The following SPSB1 variants were observed in gnomAD, a reference collection of about 807,000 sequenced individuals.
SPSB1 encodes SPRY domain-containing SOCS box protein 1.
Under a neutral mutation model 21.2 loss-of-function variants are expected in SPSB1, and 8 were observed. The observed-to-expected ratio is 0.38, with a 90% CI of 0.22 to 0.68. The LOEUF (loss-of-function observed/expected upper bound fraction) is 0.68, where lower values mean the gene tolerates loss of function less well. Among genes scored for constraint, SPSB1 ranks in the 30% least tolerant of loss-of-function variants. The pLI, the probability that SPSB1 is intolerant of heterozygous loss-of-function variation, is 0.53. For missense variants in SPSB1, 242 were observed against 377.8 expected, an observed-to-expected ratio of 0.64 and a Z score of 2.98; for synonymous variants, 169 against 161.7, an observed-to-expected ratio of 1.05 and a Z score of -0.34.
rs140967617 is a variant in SPSB1 at position 9,346,620 on chromosome 1, C to T, written c.-149-9123C>T. On this transcript the variant is annotated intron_variant, in intron 1 of 2. Coordinates refer to ENST00000328089, the MANE Select transcript of SPSB1 (RefSeq NM_025106.4). This position sits in a 1 kb window ranked among gnomAD's most constrained non-coding sequence, Gnocchi z 4.4. ...GTTGTGGCTTTAATTGAAACACCAT[C>T]GGGGGGTTGCCGGCAGGTGCTGTGC... Among the ~76,000 whole-genome samples, 198 of 152,288 alleles carry T rather than the reference C, an allele frequency of 1.3e-3. 3 individuals carry two copies. The highest frequency in any genetic ancestry group is 2.3e-3 in the Non-Finnish European group (158 of 68,014).
At position 9,345,542 on chromosome 1, in the gene SPSB1, T is replaced by G. The variant is rs1640155801; in HGVS notation, c.-149-10201T>G. 6.6e-6 allele frequency among the ~76,000 whole-genome samples: 1 copy of G among 152,204 alleles called. No individual in the cohort carries two copies. Among genetic ancestry groups the G allele is most frequent in the Admixed American group, 6.5e-5 (1 of 15,282 alleles). ...CTGGGGTCCCTCAAGAACTGGCTTC[T>G]CGTCTGCATCAGGCACAGTCCGTTG... On this transcript the variant is annotated intron_variant, in intron 1 of 2. Coordinates refer to ENST00000328089, the MANE Select transcript of SPSB1 (RefSeq NM_025106.4). The surrounding 1 kb of genome is among the most constrained non-coding windows in gnomAD (Gnocchi z 4.8).
intron 2 of SPSB1, among the ~76,000 whole-genome samples, chr1:9,366,266 C>G (rs967068748): frequency 9.8e-5 from 15 of 152,330 alleles, no homozygotes; most frequent in South Asian, 2.1e-4. Flanking sequence ...TCTGGGGGAT[C>G]AGCTGAAACT....
rs140319727 is a variant in SPSB1 at position 9,350,101 on chromosome 1, T to TAC, written c.-149-5627_-149-5626dup. Among the ~76,000 whole-genome samples the TAC allele has an allele frequency of 1.9e-3, 288 of 151,210 alleles. 1 individual carries two copies. Among genetic ancestry groups the TAC allele is most frequent in the African/African-American group, 5.8e-3 (241 of 41,278 alleles). On this transcript the variant is annotated intron_variant, in intron 1 of 2. Transcript: ENST00000328089. ...CAGATACATACACGCCTCACATATC[T>TAC]ACACACACACACACACCCCTACCAC...
intron 1 of SPSB1, among the ~76,000 whole-genome samples, chr1:9,326,064 G>C (rs10157575): frequency 3.9e-5 from 6 of 152,024 alleles, no homozygotes; most frequent in African/African-American, 1.4e-4. Context: ...CTCCACCCCT[G>C]CATGTCCCTT....
chr1:9,359,108 G>A (rs767437507), intron 2 of SPSB1, among the ~76,000 whole-genome samples: 5 of 152,306 alleles, frequency 3.3e-5, no homozygotes, highest in East Asian at 3.9e-4. Context: ...CATCACAGCC[G>A]GGCGCTATTA....
chr1:9,367,256 C>G lies in SPSB1; in HGVS notation c.695-192C>G, dbSNP rs1427712306. 6.6e-6 allele frequency among the ~76,000 whole-genome samples: 1 copy of G among 152,218 alleles called. No homozygotes were observed. Among genetic ancestry groups the G allele is most frequent in the East Asian group, 1.9e-4 (1 of 5,198 alleles). ...TGTTAGCAGAGGGCTCGCCCAGGTG[C>G]CCAGCCCAGGGTGGGCTCCTGGTGG... is the stretch of plus-strand genomic sequence containing the variant. On this transcript the variant is annotated intron_variant, in intron 2 of 2. Transcript: ENST00000328089. The surrounding 1 kb of genome is among the most constrained non-coding windows in gnomAD (Gnocchi z 5.9).
chr1:9,344,040 G>A (rs953755189), intron 1 of SPSB1, among the ~76,000 whole-genome samples: 2 of 152,104 alleles, frequency 1.3e-5, no homozygotes, highest in South Asian at 2.1e-4. Flanking sequence ...CGCCCACCTC[G>A]GCCTCCCAAA....
At chr1:9,340,425 T>C (rs1319060135) in intron 1 of SPSB1, among the ~76,000 whole-genome samples, 1 of 150,322 alleles carries the variant, frequency 6.7e-6, no homozygotes, top group African/African-American at 2.5e-5. Flanking sequence ...GGCAAGGCGT[T>C]GTGTTATGAA....
At chr1:9,342,825 AG>A (rs2100503049) in intron 1 of SPSB1, among the ~76,000 whole-genome samples, 1 of 152,320 alleles carries the variant, frequency 6.6e-6, no homozygotes, top group African/African-American at 2.4e-5. Context: ...CAGAAAGGGG[AG>A]GGGGCAGAGG....
chr1:9,295,242 G>GCA (rs1639202126), intron 1 of SPSB1, among the ~76,000 whole-genome samples: 1 of 144,300 alleles, frequency 6.9e-6, no homozygotes, highest in African/African-American at 2.5e-5. Context: ...GTGTGTGTGT[G>GCA]CGCGCGTGCG....
Position 9,359,851 on chromosome 1 carries a change from G to GT in SPSB1, c.694+3266_694+3267insT, listed in dbSNP as rs948243731. Among the ~76,000 whole-genome samples, 95 of 151,408 alleles carry GT rather than the reference G, an allele frequency of 6.3e-4. 2 individuals carry two copies. The highest frequency in any genetic ancestry group is 3.4e-3 in the Middle Eastern group (1 of 294). On this transcript the variant is annotated intron_variant, in intron 2 of 2. Coordinates refer to ENST00000328089, the MANE Select transcript of SPSB1 (RefSeq NM_025106.4). Reference sequence around the variant, plus strand: ...AGCTTGGGCCAGGATGGAAGCCGGGGGGGTGGGTGGCGGGGGCGGCCCGGT... The same window carrying GT: ...AGCTTGGGCCAGGATGGAAGCCGGGGTGGGTGGGTGGCGGGGGCGGCCCGGT...
intron 2 of SPSB1, among the ~76,000 whole-genome samples, chr1:9,361,541 AG>A (rs1214927618): frequency 2.0e-5 from 3 of 152,126 alleles, no homozygotes; most frequent in Non-Finnish European, 4.4e-5. Context: ...CATGCCAGGC[AG>A]AACCCCCCCG....
At chr1:9,322,780 C>T (rs1416319593) in intron 1 of SPSB1, among the ~76,000 whole-genome samples, 1 of 152,204 alleles carries the variant, frequency 6.6e-6, no homozygotes. Flanking sequence ...GGGTCTTGTT[C>T]TGGCCGGTCT....
intron 2 of SPSB1, among the ~76,000 whole-genome samples, chr1:9,366,155 G>A (rs754807083): frequency 1.4e-4 from 22 of 152,236 alleles, no homozygotes; most frequent in Admixed American, 1.4e-3. Context: ...AGCTGGAAGC[G>A]CTCTGTAACC....
intron 1 of SPSB1, among the ~76,000 whole-genome samples, chr1:9,314,682 G>A (rs1639581035): frequency 1.3e-5 from 2 of 152,196 alleles, no homozygotes; most frequent in Admixed American, 6.5e-5. Context: ...GTTTTTCTCC[G>A]GGAAGAATCA....
intron 2 of SPSB1, among the ~76,000 whole-genome samples, chr1:9,365,607 C>CA (rs1640557598): frequency 6.6e-6 from 1 of 152,162 alleles, no homozygotes; most frequent in African/African-American, 2.4e-5. Context: ...TTCATCACCC[C>CA]AAAAAGAAAC....
intron 2 of SPSB1, among the ~76,000 whole-genome samples, chr1:9,357,039 AAGTGGATGGATGAATG>A (rs1383665672): frequency 6.6e-6 from 1 of 151,304 alleles, no homozygotes; most frequent in Non-Finnish European, 1.5e-5. Flanking sequence ...GTGGATGAAC[AAGTGGATGGATGAATG>A]AGTGGATGGA....
rs1000526278 is a variant in SPSB1, at chr1:9,367,484, C to T, written c.731C>T (p.Ser244Leu). Residue 244 changes from serine to leucine, a missense_variant, in exon 3 of 3, where the codon TCG (serine) becomes TTG (leucine). Physicochemically the swap from Ser to Leu is moderately radical, Grantham distance 145. Coordinates refer to ENST00000328089, the MANE Select transcript of SPSB1 (RefSeq NM_025106.4). This position sits in a 1 kb window ranked among gnomAD's most constrained non-coding sequence, Gnocchi z 5.9. ...PLPLMDLCRR[S>L]VRLALGRERL... is the part of the protein sequence containing the mutation. The stretch of plus-strand genomic sequence containing the variant: ...CCGCTCATGGATTTGTGCCGTCGCT[C>T]GGTGCGCCTGGCCCTGGGGAGGGAG... 2 of 1,613,766 alleles carry T rather than the reference C, an allele frequency of 1.2e-6. No individual in the cohort carries two copies. Among genetic ancestry groups the T allele is most frequent in the Admixed American group, 1.7e-5 (1 of 60,032 alleles).
At chr1:9,360,966 C>T (rs1024143317) in intron 2 of SPSB1, among the ~76,000 whole-genome samples, 7 of 152,116 alleles carry the variant, frequency 4.6e-5, no homozygotes, top group African/African-American at 1.7e-4. Flanking sequence ...TCACGTCACC[C>T]CTACCGATGC....
Sources: allele counts gnomAD v4.1 joint callset (sites outside exome capture counted in the v4.1 genomes callset), GRCh38; gene constraint gnomAD v4.1.1; non-coding constraint Gnocchi (gnomAD v3.1); transcripts MANE v1.5; gene names NCBI Gene and HGNC (gene_info 2026-07-23, HGNC 2026-07-21).